The following CNTN5 variants were observed in gnomAD, a reference collection of about 807,000 sequenced individuals.
CNTN5 encodes contactin 5, also known as contactin-5.
In CNTN5, 77 loss-of-function variants were observed where a neutral mutation model predicts 129.1. The ratio of observed to expected loss-of-function variants is 0.60; its 90% CI spans 0.50 to 0.72. CNTN5 has a LOEUF of 0.72. CNTN5 is among the 30% of genes least tolerant of loss of function. The pLI, the probability that CNTN5 is intolerant of heterozygous loss-of-function variation, is 0.00. For missense variants in CNTN5, 1,478 were observed against 1,328.8 expected, an observed-to-expected ratio of 1.11 and a Z score of -1.75; for synonymous variants, 509 against 465.6, an observed-to-expected ratio of 1.09 and a Z score of -1.20.
intron 8 of CNTN5, among the ~76,000 whole-genome samples, chr11:99,959,206 A>AG (rs1950879359): frequency 6.6e-6 from 1 of 152,128 alleles, no homozygotes; most frequent in African/African-American, 2.4e-5. Context: ...TACACCCACC[A>AG]GGGGTTCATG....
chr11:99,895,050 C>T (rs989820213), intron 6 of CNTN5, among the ~76,000 whole-genome samples: 2 of 152,132 alleles, frequency 1.3e-5, no homozygotes, highest in African/African-American at 2.4e-5. Context: ...AAAGGCACAT[C>T]GCATTTGAAT....
chr11:100,126,202 G>A (rs1172605316), intron 13 of CNTN5, among the ~76,000 whole-genome samples: 3 of 151,910 alleles, frequency 2.0e-5, no homozygotes, highest in East Asian at 1.9e-4. Context: ...TTAATTTATC[G>A]AGACTTACTT....
chr11:99,907,629 G>T (rs1050017222), intron 6 of CNTN5, among the ~76,000 whole-genome samples: 3 of 151,166 alleles, frequency 2.0e-5, no homozygotes, highest in Non-Finnish European at 4.4e-5. Flanking sequence ...CACTATAAAA[G>T]GCTTTAAAAT....
intron 15 of CNTN5, among the ~76,000 whole-genome samples, chr11:100,195,348 T>G (rs918104888): frequency 1.3e-5 from 2 of 152,012 alleles, no homozygotes; most frequent in African/African-American, 4.8e-5. Flanking sequence ...CCTGGTGAAG[T>G]TACATGAATT....
intron 2 of CNTN5, among the ~76,000 whole-genome samples, chr11:99,474,299 A>G (rs1475091279): frequency 6.6e-6 from 1 of 152,024 alleles, no homozygotes; most frequent in Admixed American, 6.6e-5. Context: ...AAATTTTCCT[A>G]AAACCATCAA....
chr11:100,071,471 T>C (rs1018591382), intron 11 of CNTN5, among the ~76,000 whole-genome samples: 3 of 152,144 alleles, frequency 2.0e-5, no homozygotes, highest in African/African-American at 7.2e-5. Flanking sequence ...AAGTAAAACT[T>C]GTCAGAATAA....
At chr11:100,196,606 T>C (rs1948645190) in intron 15 of CNTN5, among the ~76,000 whole-genome samples, 1 of 152,052 alleles carries the variant, frequency 6.6e-6, no homozygotes, top group Admixed American at 6.6e-5. Context: ...AAAATAATAG[T>C]ATTGCTTTAA....
intron 1 of CNTN5, among the ~76,000 whole-genome samples, chr11:99,054,315 A>T (rs1864545816): frequency 6.6e-6 from 1 of 151,928 alleles, no homozygotes; most frequent in Non-Finnish European, 1.5e-5. Context: ...AGAGAGAAAA[A>T]AAAAGCTCTC....
intron 6 of CNTN5, among the ~76,000 whole-genome samples, chr11:99,909,817 G>A (rs552825111): frequency 6.6e-6 from 1 of 152,034 alleles, no homozygotes; most frequent in Non-Finnish European, 1.5e-5. Flanking sequence ...GTTGTGGGGT[G>A]GGGGGAGAGG....
intron 1 of CNTN5, among the ~76,000 whole-genome samples, chr11:99,263,527 A>G (rs1341103576): frequency 6.6e-6 from 1 of 152,202 alleles, no homozygotes; most frequent in Non-Finnish European, 1.5e-5. Context: ...CATACATTAT[A>G]GTATGAACAT....
chr11:99,230,787 A>G (rs990747760), intron 1 of CNTN5, among the ~76,000 whole-genome samples: 2 of 152,080 alleles, frequency 1.3e-5, no homozygotes, highest in African/African-American at 4.8e-5. Context: ...AGCATGCATT[A>G]GCCATTATTT....
chr11:99,595,270 T>G (rs1950090999), intron 3 of CNTN5, among the ~76,000 whole-genome samples: 1 of 152,164 alleles, frequency 6.6e-6, no homozygotes, highest in Non-Finnish European at 1.5e-5. Context: ...ATTACACCAA[T>G]TTGGTCATTA....
At chr11:100,053,428 C>G (rs1392465491) in intron 9 of CNTN5, among the ~76,000 whole-genome samples, 7 of 151,496 alleles carry the variant, frequency 4.6e-5, no homozygotes, top group African/African-American at 1.7e-4. Context: ...AAAAAATGAA[C>G]CAAAGATTTG....
chr11:99,255,120 T>C (rs1862309871), intron 1 of CNTN5, among the ~76,000 whole-genome samples: 2 of 151,910 alleles, frequency 1.3e-5, no homozygotes, highest in African/African-American at 4.8e-5. Flanking sequence ...TAGCAACATG[T>C]ATAGGGTGAG....
intron 13 of CNTN5, among the ~76,000 whole-genome samples, chr11:100,179,314 G>T (rs1948066669): frequency 6.6e-6 from 1 of 151,952 alleles, no homozygotes; most frequent in South Asian, 2.1e-4. Flanking sequence ...GTAGCATTTG[G>T]ATCATGAGCA....
intron 13 of CNTN5, among the ~76,000 whole-genome samples, chr11:100,129,971 CT>C (rs1946322199): frequency 1.3e-5 from 2 of 152,082 alleles, no homozygotes; most frequent in Admixed American, 1.3e-4. Context: ...ATTAGTACAA[CT>C]TTCCAAAATA....
At chr11:100,244,352 T>C (rs1353719438) in intron 16 of CNTN5, among the ~76,000 whole-genome samples, 1 of 152,198 alleles carries the variant, frequency 6.6e-6, no homozygotes, top group Non-Finnish European at 1.5e-5. Context: ...GAAAAACTCA[T>C]CCCTCCAGCC....
intron 4 of CNTN5, among the ~76,000 whole-genome samples, chr11:99,830,174 TG>T (rs564923040): frequency 3.9e-5 from 6 of 152,298 alleles, no homozygotes; most frequent in African/African-American, 1.4e-4. Context: ...ACTACAGTGC[TG>T]TTTTTGATGG....
At chr11:99,999,219 A>C (rs1939681945) in intron 8 of CNTN5, among the ~76,000 whole-genome samples, 1 of 152,214 alleles carries the variant, frequency 6.6e-6, no homozygotes, top group Non-Finnish European at 1.5e-5. Flanking sequence ...GTGAACAGGC[A>C]ACCAATAAAA....
Sources: allele counts gnomAD v4.1 joint callset (sites outside exome capture counted in the v4.1 genomes callset), GRCh38; gene constraint gnomAD v4.1.1; transcripts MANE v1.5; gene names NCBI Gene and HGNC (gene_info 2026-07-23, HGNC 2026-07-21).